The following STIM2 variants were observed in gnomAD, a reference collection of about 807,000 sequenced individuals.
STIM2 encodes the protein stromal interaction molecule 2.
STIM2 carries 31 observed loss-of-function variants against 85.8 expected under a neutral mutation model. That is an observed-to-expected ratio of 0.36 (90% CI 0.27 to 0.49). The LOEUF is 0.49. Among genes scored for constraint, STIM2 ranks in the 20% least tolerant of loss-of-function variants. STIM2 has a pLI of 0.98. For synonymous variants in STIM2, 356 were observed against 331.1 expected, an observed-to-expected ratio of 1.08 and a Z score of -0.82; for missense variants, 841 against 927.6, an observed-to-expected ratio of 0.91 and a Z score of 1.21.
Position 26,861,326 on chromosome 4 carries a change from C to A in STIM2, c.108C>A (p.Ser36=). The A allele has an allele frequency of 7.2e-7, 1 of 1,390,640 alleles. No individual in the cohort carries two copies. The highest frequency in any genetic ancestry group is 1.6e-5 in the South Asian group (1 of 64,334). The allele number at this position is 1,390,640 out of a possible 1,614,324, so 86.1% of individuals were successfully genotyped here. The change falls in exon 1 of 12, where the codon TCC becomes TCA. Residue 36 remains serine, a synonymous_variant. Coordinates refer to ENST00000467087, the MANE Select transcript of STIM2 (RefSeq NM_020860.4). ...CTGGCTCTGCCGCAACTGCCGCCTC[C>A]TCTCCCGCCGCGGCGGCCGGCGATA...
At chr4:26,941,970 G>A (rs1201809929) in intron 2 of STIM2, among the ~76,000 whole-genome samples, 1 of 152,088 alleles carries the variant, frequency 6.6e-6, no homozygotes, top group Non-Finnish European at 1.5e-5. Flanking sequence ...AGAAATCTTT[G>A]TATTACTGTA....
At position 26,957,734 on chromosome 4, in the gene STIM2, T is replaced by C. The variant is rs1193146590; in HGVS notation, c.397+8T>C. 1 of 1,565,198 alleles carries C rather than the reference T, an allele frequency of 6.4e-7. No homozygotes were observed. The highest frequency in any genetic ancestry group is 1.8e-5 in the Admixed American group (1 of 56,162). ...GATGGAAAACATCAGAAGGTAAGAC[T>C]GCCTTTGTGATCTGGCCCCCTCCCC... On this transcript the variant is annotated splice_region_variant and intron_variant, in intron 3 of 11. Transcript: ENST00000467087.
At chr4:26,976,977 C>G (rs1577475034) in intron 3 of STIM2, among the ~76,000 whole-genome samples, 1 of 152,140 alleles carries the variant, frequency 6.6e-6, no homozygotes, top group African/African-American at 2.4e-5. Flanking sequence ...TACACTCACA[C>G]AACTGCTGGT....
intron 1 of STIM2, among the ~76,000 whole-genome samples, chr4:26,917,543 TTAGC>T (rs1724630261): frequency 1.3e-5 from 2 of 151,692 alleles, no homozygotes; most frequent in African/African-American, 2.4e-5. Flanking sequence ...TTTTATTAGA[TTAGC>T]TAGTGTTTAT....
At chr4:26,983,088 G>T (rs1251359393) in intron 3 of STIM2, among the ~76,000 whole-genome samples, 1 of 152,162 alleles carries the variant, frequency 6.6e-6, no homozygotes, top group African/African-American at 2.4e-5. Flanking sequence ...TCATCCCCAT[G>T]TGGGACCAGA....
chr4:26,886,871 C>T (rs537820104), intron 1 of STIM2, among the ~76,000 whole-genome samples: 1 of 152,272 alleles, frequency 6.6e-6, no homozygotes, highest in South Asian at 2.1e-4. Flanking sequence ...AAGGTCTAGT[C>T]TTAGAGCAGG....
At chr4:26,887,928 T>C (rs1229848297) in intron 1 of STIM2, among the ~76,000 whole-genome samples, 1 of 152,116 alleles carries the variant, frequency 6.6e-6, no homozygotes, top group Non-Finnish European at 1.5e-5. Context: ...CCAAAATCCA[T>C]AGGATAGGCT....
At chr4:26,918,667 G>A (rs1320178327) in intron 1 of STIM2, among the ~76,000 whole-genome samples, 1 of 152,160 alleles carries the variant, frequency 6.6e-6, no homozygotes, top group Non-Finnish European at 1.5e-5. Context: ...GGGTATAAGT[G>A]AAGCTGCGGC....
chr4:26,964,545 G>A (rs915662584), intron 3 of STIM2, among the ~76,000 whole-genome samples: 15 of 152,150 alleles, frequency 9.9e-5, no homozygotes, highest in African/African-American at 3.4e-4. Context: ...TGTTTTAAAG[G>A]AAGATTTGGG....
At chr4:26,970,440 T>A (rs1413955658) in intron 3 of STIM2, among the ~76,000 whole-genome samples, 4 of 150,908 alleles carry the variant, frequency 2.7e-5, no homozygotes, top group African/African-American at 9.7e-5. Context: ...TTCCCTGCCC[T>A]GTGTCCAAGT....
intron 11 of STIM2, among the ~76,000 whole-genome samples, chr4:27,019,013 A>G (rs772457692): frequency 1.3e-5 from 2 of 152,224 alleles, no homozygotes; most frequent in Non-Finnish European, 2.9e-5. Flanking sequence ...CAACTTAATG[A>G]CATCAGTGCT....
Position 26,958,035 on chromosome 4 carries a change from CA to C in STIM2, c.397+312del, listed in dbSNP as rs564097011. On this transcript the variant is annotated intron_variant, in intron 3 of 11. Transcript: ENST00000467087. ...CGTGACATTATTATAAAAGGTTTAGCAAATAAACATATGGAAACACAAAGTT... is the reference window on the plus strand; with the variant it reads ...CGTGACATTATTATAAAAGGTTTAGCAATAAACATATGGAAACACAAAGTT... Among the ~76,000 whole-genome samples, 40 of 152,152 alleles carry C rather than the reference CA, an allele frequency of 2.6e-4. No individual in the cohort carries two copies. In the South Asian group the frequency reaches 8.3e-3, roughly 32 times the overall value.
chr4:26,994,031 C>A (rs1253722892), intron 3 of STIM2, among the ~76,000 whole-genome samples: 1 of 151,934 alleles, frequency 6.6e-6, no homozygotes, highest in Non-Finnish European at 1.5e-5. Flanking sequence ...TTATTTTATT[C>A]TTGATTTAGG....
chr4:26,921,530 G>T (rs1724796037), intron 2 of STIM2, among the ~76,000 whole-genome samples: 1 of 152,174 alleles, frequency 6.6e-6, no homozygotes, highest in Admixed American at 6.5e-5. Flanking sequence ...GGGCATGGCT[G>T]TTTTCCAATA....
chr4:26,914,592 C>T (rs753410690), intron 1 of STIM2, among the ~76,000 whole-genome samples: 5 of 152,116 alleles, frequency 3.3e-5, no homozygotes, highest in Non-Finnish European at 7.4e-5. Context: ...TAGATATTTG[C>T]TACATAAATG....
intron 1 of STIM2, among the ~76,000 whole-genome samples, chr4:26,866,874 G>A (rs1316181724): frequency 1.3e-5 from 2 of 152,102 alleles, no homozygotes; most frequent in Non-Finnish European, 2.9e-5. Context: ...TAATTTTTAA[G>A]GTAAAAGGCA....
At chr4:26,951,565 G>A (rs567287482) in intron 2 of STIM2, among the ~76,000 whole-genome samples, 76 of 152,134 alleles carry the variant, frequency 5.0e-4, no homozygotes, top group African/African-American at 1.8e-3. Flanking sequence ...TTTGTATATT[G>A]TGTCTGTTTT....
At chr4:26,898,724 A>G (rs1723798689) in intron 1 of STIM2, among the ~76,000 whole-genome samples, 1 of 152,186 alleles carries the variant, frequency 6.6e-6, no homozygotes, top group Non-Finnish European at 1.5e-5. Flanking sequence ...TGCAATCTAC[A>G]GAAGACACCA....
intron 2 of STIM2, among the ~76,000 whole-genome samples, chr4:26,939,676 G>A (rs544797677): frequency 5.3e-5 from 8 of 152,118 alleles, no homozygotes; most frequent in East Asian, 1.9e-4. Context: ...ATTTTTATGC[G>A]TGGTTTTTGT....
Sources: allele counts gnomAD v4.1 joint callset (sites outside exome capture counted in the v4.1 genomes callset), GRCh38; gene constraint gnomAD v4.1.1; transcripts MANE v1.5; gene names NCBI Gene and HGNC (gene_info 2026-07-23, HGNC 2026-07-21).